CASZ1: variants seen among roughly 807,000 people sequenced by gnomAD.
The protein encoded by CASZ1 is castor zinc finger 1, also known as zinc finger protein castor homolog 1.
CASZ1 carries 28 observed loss-of-function variants against 135.2 expected under a neutral mutation model. The ratio of observed to expected loss-of-function variants is 0.21; its 90% CI spans 0.15 to 0.28. The LOEUF is 0.28. Among genes scored for constraint, CASZ1 ranks in the 10% least tolerant of loss-of-function variants. The pLI, the probability that CASZ1 is intolerant of heterozygous loss-of-function variation, is 1.00. For synonymous variants in CASZ1, 1,068 were observed against 1,073.4 expected (o/e 0.99, Z 0.10); for missense variants, 2,161 against 2,453.3 (o/e 0.88, Z 2.52).
chr1:10,646,409 T>G lies in CASZ1; in HGVS notation c.3498-83A>C. 2.2e-6 allele frequency: 3 copies of G among 1,345,358 alleles called. No homozygotes were observed. The highest frequency in any genetic ancestry group is 3.1e-6 in the Non-Finnish European group (3 of 954,378). The allele number at this position is 1,345,358 out of a possible 1,614,324, so 83.3% of individuals were successfully genotyped here. Reference sequence around the variant, plus strand: ...GTCCTGACTTCACTTGTGTTGGAGTTCACTCCCCCACGACCAGCGGTACCA... The same window carrying G: ...GTCCTGACTTCACTTGTGTTGGAGTGCACTCCCCCACGACCAGCGGTACCA... On this transcript the variant is annotated intron_variant, in intron 16 of 20. Transcript: ENST00000377022. The surrounding 1 kb of genome is among the most constrained non-coding windows in gnomAD (Gnocchi z 6.4).
rs956473504 is a variant in CASZ1 at position 10,794,971 on chromosome 1, C to T, written c.-234+1593G>A. On this transcript the variant is annotated intron_variant, in intron 1 of 20. Transcript: ENST00000377022. The surrounding 1 kb of genome is among the most constrained non-coding windows in gnomAD (Gnocchi z 5.6). ...CGCCACCCCGGCGGCCGCCCCCTCC[C>T]CTTCCAGACCCGGCTGCCCGGCCCG... is the stretch of plus-strand genomic sequence containing the variant. 1.8e-4 allele frequency among the ~76,000 whole-genome samples: 28 copies of T among 151,782 alleles called. No individual in the cohort carries two copies. The highest frequency in any genetic ancestry group is 3.7e-4 in the Non-Finnish European group (25 of 67,874).
rs1638863970 is a variant in CASZ1, at chr1:10,694,283, C to T, written c.-23-371G>A. 1.8e-6 allele frequency: 2 copies of T among 1,101,066 alleles called. No homozygotes were observed. Among genetic ancestry groups the T allele is most frequent in the Non-Finnish European group, 2.3e-6 (2 of 885,388 alleles). 68.2% of individuals were successfully genotyped at this position (1,101,066 alleles called of 1,614,324 possible). A position where few individuals can be genotyped will look rare whatever the true frequency, so the allele number is the denominator to read the frequency against. ...GCGGCCCCCGGGCCTCCCCCGCCCG[C>T]GCCCGGTACTCACCATAGTCGGAGA... On this transcript the variant is annotated intron_variant, in intron 3 of 20. Transcript: ENST00000377022. This position sits in a 1 kb window ranked among gnomAD's most constrained non-coding sequence, Gnocchi z 6.6.
chr1:10,638,915 C>T lies in CASZ1; in HGVS notation c.*27G>A, dbSNP rs1297105338. 1 of 981,158 alleles carries T rather than the reference C, an allele frequency of 1.0e-6. No individual in the cohort carries two copies. The highest frequency in any genetic ancestry group is 1.2e-6 in the Non-Finnish European group (1 of 828,414). 60.8% of individuals were successfully genotyped at this position (981,158 alleles called of 1,614,324 possible). On this transcript the variant is annotated 3_prime_UTR_variant, in exon 21 of 21. Transcript: ENST00000377022. This position sits in a 1 kb window ranked among gnomAD's most constrained non-coding sequence, Gnocchi z 5.9. ...CCGCTCCCGAGGCCGAGGCCGAGGC[C>T]GCCGCCAGGGCCACCCGCGGGCGCC...
Position 10,647,581 on chromosome 1 carries a change from C to T in CASZ1, c.3497+220G>A. The T allele has an allele frequency of 2.8e-6, 4 of 1,420,916 alleles. No homozygotes were observed. The South Asian group carries it at 4.5e-5, about 16-fold the overall frequency. The allele number at this position is 1,420,916 out of a possible 1,614,324, so 88.0% of individuals were successfully genotyped here. ...CTGCAGGAGCAGTAGCCACTGCCGC[C>T]ACCATCGGCCCACGCGGGCTGGCCT... On this transcript the variant is annotated intron_variant, in intron 16 of 20. Transcript: ENST00000377022. This position sits in a 1 kb window ranked among gnomAD's most constrained non-coding sequence, Gnocchi z 4.9.
intron 2 of CASZ1, among the ~76,000 whole-genome samples, chr1:10,722,246 T>C (rs1639510472): frequency 6.6e-6 from 1 of 151,782 alleles, no homozygotes; most frequent in African/African-American, 2.4e-5. Flanking sequence ...GGCAGGAGAG[T>C]GAGTGTTGAC....
intron 4 of CASZ1, among the ~76,000 whole-genome samples, chr1:10,673,148 G>A (rs1643461232): frequency 1.3e-5 from 2 of 152,014 alleles, no homozygotes; most frequent in South Asian, 4.2e-4. Context: ...TGAAGGGGAG[G>A]AAAAGAGGGA....
At chr1:10,780,841 C>G (rs1640750660) in intron 1 of CASZ1, among the ~76,000 whole-genome samples, 1 of 152,182 alleles carries the variant, frequency 6.6e-6, no homozygotes, top group Non-Finnish European at 1.5e-5. Flanking sequence ...CATTTCCTGC[C>G]AGGTACAATG....
rs1192040719 is a variant in CASZ1, at chr1:10,647,003, TCAACTCTGGTTGG to T, written c.3498-690_3498-678del. ...TGCAGGAGGACACTGGTCCCAGCCT[TCAACTCTGGTTGG>T]CAACACTGTAGTCCCCTCCCAGGGG... On this transcript the variant is annotated intron_variant, in intron 16 of 20. Coordinates refer to ENST00000377022, the MANE Select transcript of CASZ1 (RefSeq NM_001079843.3). The surrounding 1 kb of genome is among the most constrained non-coding windows in gnomAD (Gnocchi z 4.9). Among the ~76,000 whole-genome samples, 1 of 151,712 alleles carries T rather than the reference TCAACTCTGGTTGG, an allele frequency of 6.6e-6. No homozygotes were observed. The highest frequency in any genetic ancestry group is 2.4e-5 in the African/African-American group (1 of 41,292).
chr1:10,779,614 C>T (rs529529091), intron 1 of CASZ1, among the ~76,000 whole-genome samples: 1 of 152,362 alleles, frequency 6.6e-6, no homozygotes, highest in Non-Finnish European at 1.5e-5. Flanking sequence ...TCCCACCACC[C>T]TAACGCTATA....
At chr1:10,671,234 C>G (rs1223160251) in intron 4 of CASZ1, among the ~76,000 whole-genome samples, 1 of 152,016 alleles carries the variant, frequency 6.6e-6, no homozygotes, top group African/African-American at 2.4e-5. Flanking sequence ...CACAGCCAAA[C>G]AGGAAGGGGA....
At chr1:10,791,723 AAG>A (rs1295878123) in intron 1 of CASZ1, among the ~76,000 whole-genome samples, 1 of 134,562 alleles carries the variant, frequency 7.4e-6, no homozygotes, top group Non-Finnish European at 1.7e-5. Context: ...GGGCTAAAAA[AAG>A]AGAGAGAGAA....
chr1:10,770,857 C>T (rs1177886918), intron 1 of CASZ1, among the ~76,000 whole-genome samples: 1 of 152,214 alleles, frequency 6.6e-6, no homozygotes, highest in Non-Finnish European at 1.5e-5. Context: ...TCACCCTTTC[C>T]CACTCCCTTC....
Position 10,735,491 on chromosome 1 carries a change from C to T in CASZ1, c.-77+25210G>A, listed in dbSNP as rs754922821. ...CCACTTGCAGGCTCAGCCAGCTCCA[C>T]GCAGCGCCAGGGCTGTCCCCAAAGT... On this transcript the variant is annotated intron_variant, in intron 2 of 20. Transcript: ENST00000377022. The surrounding 1 kb of genome is among the most constrained non-coding windows in gnomAD (Gnocchi z 5.1). Among the ~76,000 whole-genome samples, 1 of 152,090 alleles carries T rather than the reference C, an allele frequency of 6.6e-6. No individual in the cohort carries two copies. The highest frequency in any genetic ancestry group is 1.5e-5 in the Non-Finnish European group (1 of 68,000).
intron 15 of CASZ1, chr1:10,648,690 T>C (rs1224734650): frequency 4.2e-6 from 1 of 238,270 alleles, no homozygotes; most frequent in Non-Finnish European, 8.2e-6. Context: ...AGATGTAATA[T>C]TGTGGCTTGG....
rs1284488760 is a variant in CASZ1, at chr1:10,679,774, C to CT, written c.16+14099_16+14100insA. On this transcript the variant is annotated intron_variant, in intron 4 of 20. Coordinates refer to ENST00000377022, the MANE Select transcript of CASZ1 (RefSeq NM_001079843.3). This position sits in a 1 kb window ranked among gnomAD's most constrained non-coding sequence, Gnocchi z 4.7. Reference sequence around the variant, plus strand: ...CAACCCCGAGTGTCACCACAGGGTCCGGCCCAACCTGGGCTCCAGCTGATT... The same window carrying CT: ...CAACCCCGAGTGTCACCACAGGGTCCTGGCCCAACCTGGGCTCCAGCTGATT... Among the ~76,000 whole-genome samples, 1 of 152,224 alleles carries CT rather than the reference C, an allele frequency of 6.6e-6. No homozygotes were observed. The highest frequency in any genetic ancestry group is 1.5e-5 in the Non-Finnish European group (1 of 68,042).
chr1:10,722,930 G>A (rs556721751), intron 2 of CASZ1, among the ~76,000 whole-genome samples: 22 of 152,260 alleles, frequency 1.4e-4, no homozygotes, highest in Non-Finnish European at 2.6e-4. Flanking sequence ...GAAGCCTTCC[G>A]GGAAGAGCAC....
At chr1:10,790,978 A>AG (rs111572196) in intron 1 of CASZ1, among the ~76,000 whole-genome samples, 31 of 151,788 alleles carry the variant, frequency 2.0e-4, no homozygotes, top group African/African-American at 6.0e-4. Context: ...TTTTTTTTAA[A>AG]AAAGAAAAAA....
At position 10,650,628 on chromosome 1, in the gene CASZ1, C is replaced by T. The variant is rs913989256; in HGVS notation, c.2880+64G>A. On this transcript the variant is annotated intron_variant, in intron 13 of 20. Transcript: ENST00000377022. ...TTAAAAAACAAACACATCCCCCCACCCCCCAGCACAGCTTTAATTTCTCTG... is the reference window on the plus strand; with the variant it reads ...TTAAAAAACAAACACATCCCCCCACTCCCCAGCACAGCTTTAATTTCTCTG... 5 of 1,359,886 alleles carry T rather than the reference C, an allele frequency of 3.7e-6. No homozygotes were observed. In the Admixed American group the frequency reaches 5.1e-5, roughly 14 times the overall value. 84.2% of individuals were successfully genotyped at this position (1,359,886 alleles called of 1,614,324 possible). A position where few individuals can be genotyped will look rare whatever the true frequency, so the allele number is the denominator to read the frequency against.
intron 1 of CASZ1, among the ~76,000 whole-genome samples, chr1:10,785,440 T>C (rs533767768): frequency 4.6e-5 from 7 of 152,316 alleles, no homozygotes; most frequent in Admixed American, 3.3e-4. Context: ...CGGAGTGTTT[T>C]GGCATAGCAC....
Sources: gnomAD v4.1 joint callset for allele counts (sites outside exome capture counted in the v4.1 genomes callset) on GRCh38, gnomAD v4.1.1 for gene constraint, Gnocchi (gnomAD v3.1) non-coding constraint, MANE v1.5 for transcripts, NCBI Gene and HGNC (gene_info 2026-07-23, HGNC 2026-07-21) for gene names.